The following ASCC3 variants were observed in gnomAD, a reference collection of about 807,000 sequenced individuals.
ASCC3 encodes activating signal cointegrator 1 complex subunit 3, also known as ASC-1 complex subunit P200.
A neutral mutation model predicts 256.3 loss-of-function variants in ASCC3; 158 were observed. That is an observed-to-expected ratio of 0.62 (90% CI 0.54 to 0.70). The LOEUF (loss-of-function observed/expected upper bound fraction) is 0.70, where lower values mean the gene tolerates loss of function less well. Ranked by LOEUF, ASCC3 falls within the 30% of genes least tolerant of loss-of-function variation. The pLI, the probability that ASCC3 is intolerant of heterozygous loss-of-function variation, is 0.00. For missense variants in ASCC3, 2,259 were observed against 2,626.0 expected, an observed-to-expected ratio of 0.86 and a Z score of 3.05; for synonymous variants, 948 against 883.4, an observed-to-expected ratio of 1.07 and a Z score of -1.30.
intron 30 of ASCC3, among the ~76,000 whole-genome samples, chr6:100,609,014 G>A (rs1386154686): frequency 2.0e-5 from 3 of 150,132 alleles, no homozygotes; most frequent in African/African-American, 7.3e-5. Context: ...CGCCCGTCTC[G>A]GCCTCCCAAA....
chr6:100,642,714 TGTAAATACCA>T lies in ASCC3; in HGVS notation c.3758_3767del (p.Leu1253GlnfsTer35), dbSNP rs1243243045. Reference sequence around the variant, plus strand: ...AAGGCAAAGGCTCAAAAATAGGGATTGTAAATACCAGTAGTTGGGCTTCTTTACTAATGAC... The same window carrying T: ...AAGGCAAAGGCTCAAAAATAGGGATTGTAGTTGGGCTTCTTTACTAATGAC... On this transcript the variant is annotated frameshift_variant, in exon 24 of 42. Coordinates refer to ENST00000369162, the MANE Select transcript of ASCC3 (RefSeq NM_006828.4). LOFTEE classifies it high-confidence loss of function. The T allele has an allele frequency of 6.2e-7, 1 of 1,613,682 alleles. No homozygotes were observed. The highest frequency in any genetic ancestry group is 8.5e-7 in the Non-Finnish European group (1 of 1,179,768).
At chr6:100,747,889 C>T (rs1337153955) in intron 10 of ASCC3, among the ~76,000 whole-genome samples, 1 of 151,824 alleles carries the variant, frequency 6.6e-6, no homozygotes, top group South Asian at 2.1e-4. Context: ...AACCAGTATA[C>T]CTGCATTAAA....
At chr6:100,640,611 T>G (rs1195447456) in intron 24 of ASCC3, among the ~76,000 whole-genome samples, 2 of 152,286 alleles carry the variant, frequency 1.3e-5, no homozygotes, top group East Asian at 3.9e-4. Context: ...GCACCAAACA[T>G]TTTTTATATA....
intron 23 of ASCC3, among the ~76,000 whole-genome samples, chr6:100,643,488 C>A (rs1396947296): frequency 6.6e-6 from 1 of 152,080 alleles, no homozygotes; most frequent in Non-Finnish European, 1.5e-5. Context: ...TCATGCATTG[C>A]TTAATGACAG....
Position 100,605,572 on chromosome 6 carries a change from A to C in ASCC3, c.5173T>G (p.Ser1725Ala), listed in dbSNP as rs1772841313. The change falls in exon 33 of 42, where the codon TCA becomes GCA. Residue 1725 changes from serine (S) to alanine (A), a missense_variant. By Grantham distance (99) the Ser-to-Ala change is moderately conservative. This residue lies in a region of ASCC3 where 1,839 missense variants were observed against 2,206.7 expected (regional missense o/e 0.83). Coordinates refer to ENST00000369162, the MANE Select transcript of ASCC3 (RefSeq NM_006828.4). The stretch of plus-strand genomic sequence containing the variant: ...ACTAATTTAAATAAGATTTACCTTG[A>C]TTCTACTGGGAAAGGTTCATAAAGA... ...KFLYEPFPVE[S>A]SLLGVLSDHL... The C allele has an allele frequency of 6.7e-7, 1 of 1,496,014 alleles. No individual in the cohort carries two copies. The highest frequency in any genetic ancestry group is 1.7e-5 in the Admixed American group (1 of 59,646). 92.7% of individuals were successfully genotyped at this position (1,496,014 alleles called of 1,614,324 possible). A position where few individuals can be genotyped will look rare whatever the true frequency, so the allele number is the denominator to read the frequency against.
chr6:100,650,646 T>C lies in ASCC3; in HGVS notation c.3144A>G (p.Gly1048=). The change falls in exon 20 of 42, where the codon GGA becomes GGG. Residue 1048 remains glycine, a synonymous_variant. Coordinates refer to ENST00000369162, the MANE Select transcript of ASCC3 (RefSeq NM_006828.4). ...LSNFCELSTP[G]GVENSYGKIN... ...TTTTCCCATAACTATTCTCTACACC[T>C]CCAGGAGTGGAGAGTTCACAAAAAT... 1 of 1,612,506 alleles carries C rather than the reference T, an allele frequency of 6.2e-7. No homozygotes were observed. The highest frequency in any genetic ancestry group is 8.5e-7 in the Non-Finnish European group (1 of 1,178,850).
At position 100,627,956 on chromosome 6, in the gene ASCC3, A is replaced by G; in HGVS notation, c.4407T>C (p.Ile1469=). ...ATGAGATAAAATTTGTTCGAGATAC[A>G]ATGACCTCTAGAACAGGGCCTCTTT... ...GEERGPVLEV[I]VSRTNFISSH... Residue 1469 remains isoleucine (I), a synonymous_variant, in exon 28 of 42, where the codon ATT becomes ATC. Transcript: ENST00000369162. The G allele has an allele frequency of 6.2e-7, 1 of 1,613,614 alleles. No individual in the cohort carries two copies. The highest frequency in any genetic ancestry group is 1.1e-5 in the South Asian group (1 of 91,070).
intron 8 of ASCC3, among the ~76,000 whole-genome samples, chr6:100,775,370 T>C (rs565326867): frequency 1.2e-4 from 18 of 152,056 alleles, no homozygotes; most frequent in Non-Finnish European, 2.6e-4. Flanking sequence ...CTAAAAGATA[T>C]TTTAGAGACT....
intron 31 of ASCC3, 33 bp from the exon 32 acceptor site, chr6:100,606,893 G>A (rs752567292): frequency 1.2e-6 from 2 of 1,604,942 alleles, no homozygotes; most frequent in African/African-American, 1.3e-5. Context: ...TTATATCTAA[G>A]TAAAATATAA....
intron 13 of ASCC3, among the ~76,000 whole-genome samples, chr6:100,682,681 T>C (rs959832132): frequency 1.3e-4 from 20 of 152,202 alleles, no homozygotes; most frequent in Non-Finnish European, 2.9e-4. Flanking sequence ...GTTTCAAAGC[T>C]CTAAATTCAT....
At chr6:100,741,529 A>G (rs1780435974) in intron 10 of ASCC3, among the ~76,000 whole-genome samples, 1 of 152,186 alleles carries the variant, frequency 6.6e-6, no homozygotes, top group Admixed American at 6.5e-5. Flanking sequence ...AATCAGTCGT[A>G]GGATCAGTTT....
intron 37 of ASCC3, chr6:100,530,259 G>A (rs919599771): frequency 9.6e-7 from 1 of 1,044,188 alleles, no homozygotes; most frequent in South Asian, 1.3e-5. Flanking sequence ...GAGGGGAGAG[G>A]CCTGGAGGAC....
intron 4 of ASCC3, among the ~76,000 whole-genome samples, chr6:100,832,635 T>A (rs553498278): frequency 7.7e-4 from 117 of 152,136 alleles, no homozygotes; most frequent in Non-Finnish European, 1.3e-3. Flanking sequence ...TATTCAGTGG[T>A]TGGAAGAAGC....
At chr6:100,530,443 T>C in intron 37 of ASCC3, 1 of 821,414 alleles carries the variant, frequency 1.2e-6, no homozygotes, top group Non-Finnish European at 2.2e-6. Context: ...TGAGAGAGTG[T>C]AAAAGGATCA....
chr6:100,574,590 A>C (rs1770763686), intron 36 of ASCC3, among the ~76,000 whole-genome samples: 1 of 151,994 alleles, frequency 6.6e-6, no homozygotes, highest in African/African-American at 2.4e-5. Flanking sequence ...CTCATTCCTA[A>C]ATCTAAACTC....
intron 13 of ASCC3, among the ~76,000 whole-genome samples, chr6:100,714,730 G>C (rs562532724): frequency 6.6e-6 from 1 of 152,190 alleles, no homozygotes; most frequent in Admixed American, 6.5e-5. Flanking sequence ...CTAGAGATTA[G>C]TTATGAATGT....
Position 100,870,646 on chromosome 6 carries a change from T to C in ASCC3, c.-41-2608A>G, listed in dbSNP as rs145046926. ...AAACAGTTGGACTCTCTACATCACA[T>C]TGGAGAATTTTAAACAGAGAAGTCA... On this transcript the variant is annotated intron_variant, in intron 1 of 41. Coordinates refer to ENST00000369162, the MANE Select transcript of ASCC3 (RefSeq NM_006828.4). Among the ~76,000 whole-genome samples, 675 of 152,242 alleles carry C rather than the reference T, an allele frequency of 4.4e-3. 8 individuals are homozygous for C. Among genetic ancestry groups the C allele is most frequent in the African/African-American group, 0.016 (649 of 41,560 alleles).
chr6:100,607,147 T>C, intron 30 of ASCC3, 59 bp from the exon 31 acceptor site: 1 of 1,550,650 alleles, frequency 6.4e-7, no homozygotes. Context: ...TTTCATTAAT[T>C]TTTCATGTTT....
At chr6:100,852,031 C>A (rs1286207748) in intron 3 of ASCC3, among the ~76,000 whole-genome samples, 2 of 152,186 alleles carry the variant, frequency 1.3e-5, no homozygotes, top group Non-Finnish European at 2.9e-5. Flanking sequence ...AAGAGACTGG[C>A]TGTTAGCACG....
Sources: allele counts gnomAD v4.1 joint callset (sites outside exome capture counted in the v4.1 genomes callset), GRCh38; gene constraint gnomAD v4.1.1; regional missense constraint gnomAD v4.1.1; transcripts MANE v1.5; gene names NCBI Gene and HGNC (gene_info 2026-07-23, HGNC 2026-07-21).